ADAMTSL1: variants seen among roughly 807,000 people sequenced by gnomAD.
ADAMTSL1 encodes ADAMTS like 1, also known as ADAMTS-like protein 1.
ADAMTSL1 carries 126 observed loss-of-function variants against 201.8 expected under a neutral mutation model. The observed-to-expected ratio is 0.62, with a 90% CI of 0.54 to 0.72. ADAMTSL1 has a LOEUF of 0.72. Among genes scored for constraint, ADAMTSL1 ranks in the 30% least tolerant of loss-of-function variants. The pLI is 0.00. For missense variants in ADAMTSL1, 2,679 were observed against 2,277.8 expected (o/e 1.18, Z -3.59); for synonymous variants, 1,121 against 903.4 (o/e 1.24, Z -4.32).
At position 18,908,639 on chromosome 9, in the gene ADAMTSL1, A is replaced by T. The variant is rs1830443088; in HGVS notation, c.*91A>T. On this transcript the variant is annotated 3_prime_UTR_variant, in exon 29 of 29. Transcript: ENST00000380548. Reference sequence around the variant, plus strand: ...AACCTAAGCTTTCTTCATTTTATTTATTTATTTCCCCCTCCCCACTCCACA... The same window carrying T: ...AACCTAAGCTTTCTTCATTTTATTTTTTTATTTCCCCCTCCCCACTCCACA... 1.2e-5 allele frequency: 13 copies of T among 1,063,164 alleles called. No homozygotes were observed. The highest frequency in any genetic ancestry group is 2.1e-4 in the Middle Eastern group (1 of 4,738). 65.9% of individuals were successfully genotyped at this position (1,063,164 alleles called of 1,614,324 possible).
chr9:18,817,373 G>A (rs1489849389), intron 21 of ADAMTSL1, 136 bp downstream of exon 21: 10 of 857,234 alleles, frequency 1.2e-5, no homozygotes, highest in East Asian at 2.9e-5. Context: ...AACCTCAGTC[G>A]CTCTGAAAGT....
At chr9:18,508,077 A>G (rs1817792072) in intron 2 of ADAMTSL1, among the ~76,000 whole-genome samples, 2 of 151,886 alleles carry the variant, frequency 1.3e-5, no homozygotes, top group South Asian at 4.2e-4. Context: ...TGCAGCTGCT[A>G]GGGAGGCTGA....
chr9:18,867,179 C>G (rs969995245), intron 23 of ADAMTSL1, among the ~76,000 whole-genome samples: 2 of 152,184 alleles, frequency 1.3e-5, no homozygotes, highest in African/African-American at 4.8e-5. Context: ...CAGCAACCAA[C>G]CTAAAGTTGT....
chr9:18,587,844 A>G (rs941215709), intron 4 of ADAMTSL1, among the ~76,000 whole-genome samples: 6 of 152,182 alleles, frequency 3.9e-5, no homozygotes, highest in East Asian at 1.9e-4. Context: ...TCCATTGTGT[A>G]TATATACCAT....
At position 18,762,550 on chromosome 9, in the gene ADAMTSL1, T is replaced by C. The variant is rs7850480; in HGVS notation, c.2218-8052T>C. Among the ~76,000 whole-genome samples the C allele has an allele frequency of 9.0e-3, 1,375 of 152,260 alleles. 20 individuals are homozygous for C. The highest frequency in any genetic ancestry group is 0.031 in the African/African-American group (1,291 of 41,542). On this transcript the variant is annotated intron_variant, in intron 16 of 28. Transcript: ENST00000380548. ...AGTTTTTTTTAATCTACAGTTATTA[T>C]TGACTATAGTCACCCTATTGTGCTA... is the stretch of plus-strand genomic sequence containing the variant.
chr9:18,572,019 C>A (rs573761669), intron 3 of ADAMTSL1, among the ~76,000 whole-genome samples: 1 of 151,800 alleles, frequency 6.6e-6, no homozygotes, highest in Non-Finnish European at 1.5e-5. Context: ...ATGGCAAAAC[C>A]CTGTCTCTAC....
intron 14 of ADAMTSL1, among the ~76,000 whole-genome samples, chr9:18,716,503 G>A (rs1587969351): frequency 1.3e-5 from 2 of 151,936 alleles, no homozygotes; most frequent in East Asian, 3.9e-4. Flanking sequence ...ACCATCACTG[G>A]CCATCAGAGA....
At chr9:18,877,851 C>T (rs574076685) in intron 23 of ADAMTSL1, among the ~76,000 whole-genome samples, 1 of 152,222 alleles carries the variant, frequency 6.6e-6, no homozygotes, top group Admixed American at 6.5e-5. Flanking sequence ...AGATTATGTC[C>T]TTTGTCTTCA....
Position 18,887,890 on chromosome 9 carries a change from A to G in ADAMTSL1, c.4309A>G (p.Ile1437Val), listed in dbSNP as rs1196935108. 4 of 1,613,848 alleles carry G rather than the reference A, an allele frequency of 2.5e-6. No homozygotes were observed. Among genetic ancestry groups the G allele is most frequent in the African/African-American group, 2.7e-5 (2 of 74,918 alleles). ...CACCTGGTTTCATGGTGGTCAGCCAATTGTCACTGCCACAGGACTGACGCA... is the reference window on the plus strand; with the variant it reads ...CACCTGGTTTCATGGTGGTCAGCCAGTTGTCACTGCCACAGGACTGACGCA... ...NITWFHGGQPIVTATGLTHHI... is the reference protein window; with the variant it reads ...NITWFHGGQPVVTATGLTHHI... Residue 1437 changes from isoleucine to valine, a missense_variant, in exon 24 of 29, where the codon ATT becomes GTT. Coordinates refer to ENST00000380548, the MANE Select transcript of ADAMTSL1 (RefSeq NM_001040272.6).
intron 3 of ADAMTSL1, among the ~76,000 whole-genome samples, chr9:18,537,511 G>T (rs1819845228): frequency 6.6e-6 from 1 of 152,108 alleles, no homozygotes; most frequent in South Asian, 2.1e-4. Flanking sequence ...AAAACCAGAG[G>T]TAGGTGGGAG....
intron 2 of ADAMTSL1, among the ~76,000 whole-genome samples, chr9:18,407,293 C>A (rs2133294750): frequency 6.6e-6 from 1 of 152,204 alleles, no homozygotes; most frequent in South Asian, 2.1e-4. Flanking sequence ...GAAATTGATC[C>A]TGTGAGAAGA....
chr9:18,763,124 A>C (rs755620528), intron 16 of ADAMTSL1, among the ~76,000 whole-genome samples: 7 of 152,164 alleles, frequency 4.6e-5, no homozygotes, highest in Non-Finnish European at 1.0e-4. Context: ...ATTCCCACCC[A>C]CAGTGTATAA....
At chr9:18,629,180 C>T (rs1434807007) in intron 5 of ADAMTSL1, among the ~76,000 whole-genome samples, 1 of 152,092 alleles carries the variant, frequency 6.6e-6, no homozygotes, top group Admixed American at 6.5e-5. Context: ...TCTCAATAAA[C>T]AATCATGTTG....
chr9:18,826,133 A>G (rs1469854358), intron 21 of ADAMTSL1, 151 bp from the exon 22 acceptor site: 1 of 842,092 alleles, frequency 1.2e-6, no homozygotes, highest in Non-Finnish European at 1.9e-6. Flanking sequence ...CAGGCTCTGG[A>G]CATTATTTAA....
intron 23 of ADAMTSL1, among the ~76,000 whole-genome samples, chr9:18,831,984 G>A (rs1825008785): frequency 6.6e-6 from 1 of 152,190 alleles, no homozygotes. Context: ...GGCACTCAAG[G>A]TGAGGAAGAT....
At chr9:18,020,654 C>G (rs1015146347) in intron 1 of ADAMTSL1, among the ~76,000 whole-genome samples, 11 of 152,062 alleles carry the variant, frequency 7.2e-5, no homozygotes, top group African/African-American at 2.7e-4. Context: ...AGGTCTCTCC[C>G]TAAACGCCTG....
At chr9:18,117,932 T>C (rs1341354740) in intron 1 of ADAMTSL1, among the ~76,000 whole-genome samples, 2 of 152,220 alleles carry the variant, frequency 1.3e-5, no homozygotes, top group African/African-American at 4.8e-5. Context: ...TCTTTTGCTT[T>C]AATGCTTGAT....
At chr9:18,525,205 C>G (rs1818959467) in intron 2 of ADAMTSL1, among the ~76,000 whole-genome samples, 2 of 152,184 alleles carry the variant, frequency 1.3e-5, no homozygotes, top group Admixed American at 6.5e-5. Context: ...TCCACTTCTT[C>G]TAGATTTTCT....
chr9:18,803,679 C>CT (rs1037320843), intron 20 of ADAMTSL1, among the ~76,000 whole-genome samples: 1 of 151,970 alleles, frequency 6.6e-6, no homozygotes, highest in Non-Finnish European at 1.5e-5. Context: ...AAAAACAACA[C>CT]TTTTTTTTAA....
Sources: allele counts gnomAD v4.1 joint callset (sites outside exome capture counted in the v4.1 genomes callset), GRCh38; gene constraint gnomAD v4.1.1; transcripts MANE v1.5; gene names NCBI Gene and HGNC (gene_info 2026-07-23, HGNC 2026-07-21).